Variants in ANKRD7 observed in about 807,000 individuals in gnomAD.
ANKRD7 encodes the protein ankyrin repeat domain 7.
Under a neutral mutation model 30.8 loss-of-function variants are expected in ANKRD7, and 30 were observed. The ratio of observed to expected loss-of-function variants is 0.97; its 90% CI spans 0.73 to 1.32. The LOEUF is 1.32. Among genes scored for constraint, ANKRD7 ranks in the 40% most tolerant of loss-of-function variants. The pLI, the probability that ANKRD7 is intolerant of heterozygous loss-of-function variation, is 0.00. For synonymous variants in ANKRD7, 97 were observed against 106.6 expected, an observed-to-expected ratio of 0.91 and a Z score of 0.55; for missense variants, 264 against 295.7, an observed-to-expected ratio of 0.89 and a Z score of 0.79.
Position 118,224,704 on chromosome 7 carries a change from A to G in ANKRD7, c.-127A>G. On this transcript the variant is annotated 5_prime_UTR_variant, in exon 1 of 7. Coordinates refer to ENST00000265224, the MANE Select transcript of ANKRD7 (RefSeq NM_019644.4). Reference sequence around the variant, plus strand: ...ACGGCCGGCTGCGCGAGGCCCTTCCAGCATTTCCACTTTCGTCAGGTACTG... The same window carrying G: ...ACGGCCGGCTGCGCGAGGCCCTTCCGGCATTTCCACTTTCGTCAGGTACTG... 1 of 1,502,196 alleles carries G rather than the reference A, an allele frequency of 6.7e-7. No homozygotes were observed. The highest frequency in any genetic ancestry group is 2.3e-5 in the East Asian group (1 of 43,406). The allele number at this position is 1,502,196 out of a possible 1,614,324, so 93.1% of individuals were successfully genotyped here.
chr7:118,227,928 A>C, intron 1 of ANKRD7: 1 of 1,349,338 alleles, frequency 7.4e-7, no homozygotes, highest in Non-Finnish European at 9.9e-7. Context: ...TTTAACAAAA[A>C]CAGTGTTGTC....
intron 1 of ANKRD7, among the ~76,000 whole-genome samples, chr7:118,226,487 A>G (rs1434824218): frequency 6.6e-6 from 1 of 152,250 alleles, no homozygotes; most frequent in East Asian, 1.9e-4. Flanking sequence ...TTTGTATGTA[A>G]TATGTGTTAT....
chr7:118,231,964 T>C (rs969844992), intron 1 of ANKRD7, among the ~76,000 whole-genome samples: 2 of 152,148 alleles, frequency 1.3e-5, no homozygotes, highest in South Asian at 4.1e-4. Context: ...ATTGGGAGTA[T>C]AATGTATTCA....
intron 1 of ANKRD7, among the ~76,000 whole-genome samples, chr7:118,225,321 T>C (rs1011067703): frequency 1.3e-5 from 2 of 152,060 alleles, no homozygotes; most frequent in Non-Finnish European, 2.9e-5. Context: ...ACCCCGTCTC[T>C]AACCAAAAAT....
At chr7:118,225,514 G>A (rs1809526655) in intron 1 of ANKRD7, among the ~76,000 whole-genome samples, 1 of 151,502 alleles carries the variant, frequency 6.6e-6, no homozygotes, top group South Asian at 2.1e-4. Context: ...TTGCTTGCTT[G>A]AATATTTTCT....
At chr7:118,236,438 T>C (rs1163667479) in intron 4 of ANKRD7, among the ~76,000 whole-genome samples, 1 of 152,156 alleles carries the variant, frequency 6.6e-6, no homozygotes, top group East Asian at 1.9e-4. Flanking sequence ...ATTAGACTCT[T>C]ACATAGATGA....
At chr7:118,234,296 A>G (rs1809689155) in intron 1 of ANKRD7, 135 bp from the exon 2 acceptor site, 1 of 461,782 alleles carries the variant, frequency 2.2e-6, no homozygotes, top group Non-Finnish European at 3.8e-6. Flanking sequence ...TAATTAATGT[A>G]CATTTGTTTA....
rs781650587 is a variant in ANKRD7 at position 118,224,741 on chromosome 7, C to T, written c.-90C>T. On this transcript the variant is annotated 5_prime_UTR_variant, in exon 1 of 7. Coordinates refer to ENST00000265224, the MANE Select transcript of ANKRD7 (RefSeq NM_019644.4). ...TTCGTCAGGTACTGGAGAGGGCTGC[C>T]GGCCGGATGCCAGGGCAGAGGGGCA... The T allele has an allele frequency of 4.6e-6, 7 of 1,520,922 alleles. No individual in the cohort carries two copies. The African/African-American group carries it at 5.6e-5, about 12-fold the overall frequency. 94.2% of individuals were successfully genotyped at this position (1,520,922 alleles called of 1,614,324 possible).
At chr7:118,234,402 TA>T in intron 1 of ANKRD7, 28 bp from the exon 2 acceptor site, 1 of 1,475,362 alleles carries the variant, frequency 6.8e-7, no homozygotes, top group Non-Finnish European at 9.2e-7. Context: ...GACTTATCTC[TA>T]ACTTTGTGTT....
At chr7:118,237,198 C>G (rs2116020785) in intron 5 of ANKRD7, among the ~76,000 whole-genome samples, 1 of 152,266 alleles carries the variant, frequency 6.6e-6, no homozygotes, top group East Asian at 1.9e-4. Flanking sequence ...ATTAATAAAA[C>G]ATATAGGTGA....
intron 1 of ANKRD7, 71 bp downstream of exon 1, chr7:118,225,080 G>T (rs562656794): frequency 6.5e-7 from 1 of 1,545,194 alleles, no homozygotes; most frequent in Admixed American, 1.9e-5. Flanking sequence ...AATAAGACAA[G>T]TGGGGGCTGT....
At chr7:118,239,095 T>C (rs1809780329) in intron 5 of ANKRD7, among the ~76,000 whole-genome samples, 1 of 152,186 alleles carries the variant, frequency 6.6e-6, no homozygotes, top group Non-Finnish European at 1.5e-5. Flanking sequence ...TAAAGGGCAG[T>C]CACCTAAAGC....
intron 1 of ANKRD7, among the ~76,000 whole-genome samples, chr7:118,230,651 TAGAGAG>T (rs145201143): frequency 6.7e-6 from 1 of 148,814 alleles, no homozygotes; most frequent in African/African-American, 2.5e-5. Context: ...TGTGTGTGTG[TAGAGAG>T]AGAGAGAGAG....
At position 118,236,087 on chromosome 7, in the gene ANKRD7, A is replaced by G; in HGVS notation, c.515A>G (p.Lys172Arg). Residue 172 changes from lysine (K) to arginine (R), a missense_variant, in exon 4 of 7, where the codon AAA becomes AGA. Physicochemically the swap from Lys to Arg is conservative, Grantham distance 26. Transcript: ENST00000265224. Reference protein sequence around the residue: ...LLVAVINNNPKMVKFLLEKGA... With the variant: ...LLVAVINNNPRMVKFLLEKGA... ...GTTGCCGTTATTAACAATAATCCAA[A>G]AATGGTAAAATTTCTTCTGGAGAAA... 1.2e-6 allele frequency: 2 copies of G among 1,608,420 alleles called. No homozygotes were observed. Among genetic ancestry groups the G allele is most frequent in the Non-Finnish European group, 1.7e-6 (2 of 1,175,728 alleles).
intron 2 of ANKRD7, 71 bp downstream of exon 2, chr7:118,234,616 A>G (rs1463146817): frequency 3.2e-6 from 5 of 1,558,742 alleles, no homozygotes; most frequent in Non-Finnish European, 4.3e-6. Flanking sequence ...TTGATTTTTC[A>G]TGTTTTAAAA....
chr7:118,236,214 G>GTGTGTGTA, intron 4 of ANKRD7, 67 bp downstream of exon 4: 1 of 637,158 alleles, frequency 1.6e-6, no homozygotes, highest in Non-Finnish European at 2.7e-6. Context: ...GTGCGTATGT[G>GTGTGTGTA]TGTGTGTGTG....
Position 118,236,143 on chromosome 7 carries a change from C to T in ANKRD7, c.571C>T (p.Gln191Ter). The T allele has an allele frequency of 6.5e-7, 1 of 1,549,822 alleles. No homozygotes were observed. The highest frequency in any genetic ancestry group is 8.8e-7 in the Non-Finnish European group (1 of 1,130,240). Residue 191 changes from glutamine to a stop codon, truncating the protein, a stop_gained, in exon 4 of 7, where the codon CAA becomes TAA. Coordinates refer to ENST00000265224, the MANE Select transcript of ANKRD7 (RefSeq NM_019644.4). LOFTEE classifies it high-confidence loss of function. ...GADVNASDNY[Q>*]RTALILAVSG... The stretch of plus-strand genomic sequence containing the variant: ...TGATGTGAATGCTTCAGATAATTAT[C>T]AAAGGTATAATTAATAAATAAGATA...
chr7:118,230,925 A>T (rs1185370010), intron 1 of ANKRD7, among the ~76,000 whole-genome samples: 1 of 152,016 alleles, frequency 6.6e-6, no homozygotes, highest in African/African-American at 2.4e-5. Context: ...AATGGAAGTG[A>T]TATTTTTAGA....
At chr7:118,227,554 G>C (rs1467138950) in intron 1 of ANKRD7, among the ~76,000 whole-genome samples, 1 of 152,180 alleles carries the variant, frequency 6.6e-6, no homozygotes, top group Non-Finnish European at 1.5e-5. Flanking sequence ...GAATTGGTGT[G>C]TTTGTTGTGA....
Sources: allele counts gnomAD v4.1 joint callset (sites outside exome capture counted in the v4.1 genomes callset), GRCh38; gene constraint gnomAD v4.1.1; transcripts MANE v1.5; gene names NCBI Gene and HGNC (gene_info 2026-07-23, HGNC 2026-07-21).